The following SMYD3 variants were observed in gnomAD, a reference collection of about 807,000 sequenced individuals.
SMYD3 encodes the protein SET and MYND domain containing 3.
SMYD3 carries 36 observed loss-of-function variants against 57.7 expected under a neutral mutation model. The ratio of observed to expected loss-of-function variants is 0.62; its 90% CI spans 0.48 to 0.82. The LOEUF (loss-of-function observed/expected upper bound fraction) is 0.82. Among genes scored for constraint, SMYD3 ranks in the 40% least tolerant of loss-of-function variants. The probability of loss-of-function intolerance (pLI) is 0.00; values close to 1 mark genes in which losing one functional copy is unlikely to be tolerated. For synonymous variants in SMYD3, 211 were observed against 195.0 expected (o/e 1.08, Z -0.68); for missense variants, 515 against 538.8 (o/e 0.96, Z 0.44).
chr1:246,204,800 T>A (rs1198182275), intron 5 of SMYD3, among the ~76,000 whole-genome samples: 2 of 152,168 alleles, frequency 1.3e-5, no homozygotes, highest in East Asian at 1.9e-4. Flanking sequence ...AAGAAAAAAA[T>A]TCTATGAATT....
intron 5 of SMYD3, among the ~76,000 whole-genome samples, chr1:246,102,906 C>A (rs1393349026): frequency 6.6e-6 from 1 of 152,076 alleles, no homozygotes; most frequent in Admixed American, 6.6e-5. Flanking sequence ...AAAACAAAAA[C>A]TATTCTCCTT....
At chr1:246,227,389 G>T (rs187488781) in intron 5 of SMYD3, among the ~76,000 whole-genome samples, 4 of 152,336 alleles carry the variant, frequency 2.6e-5, no homozygotes, top group African/African-American at 9.6e-5. Flanking sequence ...GCCAAGGCAG[G>T]TGAATCAAGA....
At chr1:245,944,216 A>G (rs1572755404) in intron 5 of SMYD3, among the ~76,000 whole-genome samples, 1 of 152,178 alleles carries the variant, frequency 6.6e-6, no homozygotes, top group Admixed American at 6.5e-5. Context: ...GTTTGCAGAT[A>G]ACATGATCCT....
intron 8 of SMYD3, among the ~76,000 whole-genome samples, chr1:245,879,851 A>T (rs1001070381): frequency 6.6e-6 from 1 of 152,264 alleles, no homozygotes; most frequent in Non-Finnish European, 1.5e-5. Context: ...GTCAATGTCT[A>T]TCTTTGACCA....
At position 246,095,328 on chromosome 1, in the gene SMYD3, A is replaced by G. The variant is rs73139896; in HGVS notation, c.532-165391T>C. Among the ~76,000 whole-genome samples the G allele has an allele frequency of 9.7e-3, 1,472 of 152,352 alleles. 20 individuals are homozygous for G. Among genetic ancestry groups the G allele is most frequent in the African/African-American group, 0.033 (1,377 of 41,584 alleles). On this transcript the variant is annotated intron_variant, in intron 5 of 11. Coordinates refer to ENST00000490107, the MANE Select transcript of SMYD3 (RefSeq NM_001167740.2). ...CTACTCAATCATTAATTTAACAAAT[A>G]ACTTATCGAACTTATACTGTATGCC...
intron 5 of SMYD3, among the ~76,000 whole-genome samples, chr1:246,030,053 C>T (rs1485815175): frequency 6.7e-6 from 1 of 150,180 alleles, no homozygotes; most frequent in Admixed American, 6.6e-5. Context: ...AAGGGATACG[C>T]ACACCCCCAA....
rs188297026 is a variant in SMYD3 at position 246,318,963 on chromosome 1, A to G, written c.531+8238T>C. 7.2e-5 allele frequency among the ~76,000 whole-genome samples: 11 copies of G among 152,362 alleles called. No individual in the cohort carries two copies. The East Asian group carries it at 7.7e-4, about 11-fold the overall frequency. On this transcript the variant is annotated intron_variant, in intron 5 of 11. Transcript: ENST00000490107. ...AAAAGAAATATTTAACCAAATGGCT[A>G]CGAATGAAGAACACGATAAACAAAT...
At chr1:246,309,889 C>A (rs187263981) in intron 5 of SMYD3, among the ~76,000 whole-genome samples, 25 of 152,308 alleles carry the variant, frequency 1.6e-4, no homozygotes, top group Admixed American at 1.3e-3. Flanking sequence ...AAAGATTTAA[C>A]TGACTGCAAA....
At chr1:245,876,187 G>A (rs944865624) in intron 8 of SMYD3, among the ~76,000 whole-genome samples, 2 of 152,134 alleles carry the variant, frequency 1.3e-5, no homozygotes, top group African/African-American at 4.8e-5. Flanking sequence ...TGAGGGCTCC[G>A]ACTTTCCCTC....
chr1:246,008,410 AGCCGAGGACTG>A (rs2059215210), intron 5 of SMYD3, among the ~76,000 whole-genome samples: 1 of 152,220 alleles, frequency 6.6e-6, no homozygotes, highest in Non-Finnish European at 1.5e-5. Context: ...AACTCCTCTC[AGCCGAGGACTG>A]GCTTAGCCTG....
intron 5 of SMYD3, among the ~76,000 whole-genome samples, chr1:246,276,792 A>C (rs1473244221): frequency 6.0e-5 from 9 of 150,590 alleles, no homozygotes; most frequent in Non-Finnish European, 8.9e-5. Flanking sequence ...TAACACTGGC[A>C]AGTTACTTAA....
At chr1:246,068,167 T>C (rs1025910458) in intron 5 of SMYD3, among the ~76,000 whole-genome samples, 4 of 151,966 alleles carry the variant, frequency 2.6e-5, no homozygotes, top group African/African-American at 4.8e-5. Flanking sequence ...TCCTGGAAAG[T>C]AGGATCAGAA....
At chr1:246,310,088 GA>G (rs2065050062) in intron 5 of SMYD3, among the ~76,000 whole-genome samples, 1 of 151,824 alleles carries the variant, frequency 6.6e-6, no homozygotes, top group Non-Finnish European at 1.5e-5. Flanking sequence ...ATGTTTTCAG[GA>G]AAAAAATTTG....
chr1:246,140,120 A>G (rs1369120738), intron 5 of SMYD3, among the ~76,000 whole-genome samples: 1 of 152,240 alleles, frequency 6.6e-6, no homozygotes, highest in African/African-American at 2.4e-5. Flanking sequence ...AAGAATGCAC[A>G]TATATACAAA....
chr1:245,835,122 C>CT (rs11449373), intron 10 of SMYD3, among the ~76,000 whole-genome samples: 27,477 of 133,838 alleles, frequency 0.21, 4,604 homozygotes, highest in East Asian at 0.44. Flanking sequence ...GGCAGGTTTC[C>CT]TTTTTTTTTT....
chr1:246,409,314 A>C (rs2066921537), intron 1 of SMYD3, among the ~76,000 whole-genome samples: 1 of 152,180 alleles, frequency 6.6e-6, no homozygotes, highest in Non-Finnish European at 1.5e-5. Context: ...TTTAGGTCTG[A>C]CATGTAAGTC....
chr1:246,183,242 G>C (rs772009731), intron 5 of SMYD3, among the ~76,000 whole-genome samples: 3 of 152,000 alleles, frequency 2.0e-5, no homozygotes, highest in African/African-American at 4.8e-5. Context: ...CAGTTTTCCA[G>C]ACAATACTTT....
chr1:245,807,855 A>G (rs958131133), intron 10 of SMYD3, among the ~76,000 whole-genome samples: 1 of 152,016 alleles, frequency 6.6e-6, no homozygotes, highest in Non-Finnish European at 1.5e-5. Context: ...GAAGCAATCT[A>G]CACCGTGAAA....
At chr1:246,426,807 A>G (rs1572490665) in intron 1 of SMYD3, among the ~76,000 whole-genome samples, 1 of 152,178 alleles carries the variant, frequency 6.6e-6, no homozygotes, top group Non-Finnish European at 1.5e-5. Context: ...ATATGTTTCT[A>G]TATATGTCAC....
Sources: gnomAD v4.1 joint callset for allele counts (sites outside exome capture counted in the v4.1 genomes callset) on GRCh38, gnomAD v4.1.1 for gene constraint, MANE v1.5 for transcripts, NCBI Gene and HGNC (gene_info 2026-07-23, HGNC 2026-07-21) for gene names.